Variants in PLA2G6 observed in about 807,000 individuals in gnomAD.
The protein encoded by PLA2G6 is phospholipase A2 group VI.
Under a neutral mutation model 83.8 loss-of-function variants are expected in PLA2G6, and 62 were observed. The observed-to-expected ratio is 0.74, with a 90% CI of 0.60 to 0.91. The LOEUF is 0.91. Ranked by LOEUF, PLA2G6 falls within the 40% of genes least tolerant of loss-of-function variation. The pLI is 0.00. For synonymous variants in PLA2G6, 417 were observed against 449.8 expected (o/e 0.93, Z 0.92); for missense variants, 944 against 1,102.0 (o/e 0.86, Z 2.03).
Position 38,132,190 on chromosome 22 carries a change from T to C in PLA2G6, c.1077+641A>G, listed in dbSNP as rs969586693. ...TCCTCTGCTAGGTTTAATATGTTCA[T>C]ACTCTAGATGTGTAACCAGACAGTA... On this transcript the variant is annotated intron_variant, in intron 7 of 16. Transcript: ENST00000332509. The surrounding 1 kb of genome is among the most constrained non-coding windows in gnomAD (Gnocchi z 5.0). 1 of 443,976 alleles carries C rather than the reference T, an allele frequency of 2.3e-6. No individual in the cohort carries two copies. The highest frequency in any genetic ancestry group is 1.6e-5 in the South Asian group (1 of 62,342). The allele number at this position is 443,976 out of a possible 1,614,324, so 27.5% of individuals were successfully genotyped here.
intron 2 of PLA2G6, among the ~76,000 whole-genome samples, chr22:38,158,293 C>G (rs993995959): frequency 5.3e-5 from 8 of 151,628 alleles, no homozygotes; most frequent in Admixed American, 3.9e-4. Flanking sequence ...CTTCAGCCTC[C>G]CAAGTAGCTG....
chr22:38,165,253 G>T (rs560034757), intron 2 of PLA2G6, among the ~76,000 whole-genome samples: 3 of 152,082 alleles, frequency 2.0e-5, no homozygotes, highest in Non-Finnish European at 2.9e-5. Flanking sequence ...CCTGATCTAC[G>T]CCAGGCACCT....
At chr22:38,129,342 G>C (rs1249970447) in intron 8 of PLA2G6, 112 bp downstream of exon 8, 3 of 775,776 alleles carry the variant, frequency 3.9e-6, no homozygotes, top group Non-Finnish European at 6.9e-6. Context: ...GCTCTGAGCA[G>C]GGCGGGTCAG....
At chr22:38,144,557 C>T (rs995776540) in intron 3 of PLA2G6, 66 of 140,332 alleles carry the variant, frequency 4.7e-4, no homozygotes, top group African/African-American at 1.6e-3. Flanking sequence ...GGCGTGAACC[C>T]GGGAGGCGGA....
intron 2 of PLA2G6, among the ~76,000 whole-genome samples, chr22:38,154,985 C>T (rs1171774304): frequency 3.9e-5 from 6 of 152,076 alleles, no homozygotes; most frequent in African/African-American, 1.2e-4. Flanking sequence ...CCCAGCACTT[C>T]GGAAGGCCAA....
chr22:38,164,477 C>T lies in PLA2G6; in HGVS notation c.209+4741G>A, dbSNP rs1269662710. Among the ~76,000 whole-genome samples, 4 of 152,220 alleles carry T rather than the reference C, an allele frequency of 2.6e-5. No homozygotes were observed. The South Asian group carries it at 6.2e-4, about 24-fold the overall frequency. ...CATGAGTTACTACTTAGACTAGTGCCAAGCCCAGGCATGCAGGACCTGCTG... is the reference window on the plus strand; with the variant it reads ...CATGAGTTACTACTTAGACTAGTGCTAAGCCCAGGCATGCAGGACCTGCTG... On this transcript the variant is annotated intron_variant, in intron 2 of 16. Coordinates refer to ENST00000332509, the MANE Select transcript of PLA2G6 (RefSeq NM_003560.4).
In PLA2G6 at chr22:38,148,859, C is replaced by CTTTTT. The variant is rs200966258; in HGVS notation, c.210-3211_210-3207dup. 51 of 152,540 alleles carry CTTTTT rather than the reference C, an allele frequency of 3.3e-4. 1 individual carries two copies. Among genetic ancestry groups the CTTTTT allele is most frequent in the East Asian group, 7.9e-4 (3 of 3,776 alleles). The allele number at this position is 152,540 out of a possible 1,614,324, so 9.4% of individuals were successfully genotyped here. On this transcript the variant is annotated intron_variant, in intron 2 of 16. Transcript: ENST00000332509. The stretch of plus-strand genomic sequence containing the variant: ...CATCAAACTAGGCTCTAGATTATTT[C>CTTTTT]TTTTTTTTTTTTTTTTTTTTTTTTT...
At chr22:38,179,836 GTAAGCAA>G (rs2145978676) in intron 1 of PLA2G6, among the ~76,000 whole-genome samples, 1 of 152,156 alleles carries the variant, frequency 6.6e-6, no homozygotes, top group Non-Finnish European at 1.5e-5. Flanking sequence ...GAGGTGCTGA[GTAAGCAA>G]CTAGATTTGA....
chr22:38,122,034 C>T (rs1015720577), intron 11 of PLA2G6, among the ~76,000 whole-genome samples: 4 of 152,160 alleles, frequency 2.6e-5, no homozygotes, highest in Non-Finnish European at 4.4e-5. Flanking sequence ...TGGACACTAA[C>T]GTCCCGGCAA....
chr22:38,164,556 C>G (rs190631893), intron 2 of PLA2G6, among the ~76,000 whole-genome samples: 145 of 152,316 alleles, frequency 9.5e-4, no homozygotes, highest in Middle Eastern at 3.4e-3. Flanking sequence ...AGGGTCCAGT[C>G]TCTCCGCCCA....
intron 2 of PLA2G6, among the ~76,000 whole-genome samples, chr22:38,164,492 A>AGGACCTGCTGGGAAACTGCAGAT (rs2090141363): frequency 6.6e-6 from 1 of 152,220 alleles, no homozygotes; most frequent in Non-Finnish European, 1.5e-5. Context: ...CCAGGCATGC[A>AGGACCTGCTGGGAAACTGCAGAT]GGACCTGCTG....
chr22:38,112,051 G>T lies in PLA2G6; in HGVS notation c.*110C>A, dbSNP rs2086893775. The T allele has an allele frequency of 7.7e-7, 1 of 1,294,014 alleles. No homozygotes were observed. The highest frequency in any genetic ancestry group is 1.1e-6 in the Non-Finnish European group (1 of 916,680). The allele number at this position is 1,294,014 out of a possible 1,614,324, so 80.2% of individuals were successfully genotyped here. On this transcript the variant is annotated 3_prime_UTR_variant, in exon 17 of 17. Coordinates refer to ENST00000332509, the MANE Select transcript of PLA2G6 (RefSeq NM_003560.4). ...GGCATTCTCCCAGGCCTGGTCTATG[G>T]ACTCAGAGGTGCCTGGGCCCAGATC...
intron 2 of PLA2G6, among the ~76,000 whole-genome samples, chr22:38,153,258 C>G (rs1036728548): frequency 7.9e-5 from 12 of 152,140 alleles, no homozygotes; most frequent in African/African-American, 2.7e-4. Context: ...ACGGAGAATC[C>G]CCGTCCCTAC....
chr22:38,170,509 C>T (rs866008180), intron 1 of PLA2G6, among the ~76,000 whole-genome samples: 5 of 152,068 alleles, frequency 3.3e-5, no homozygotes, highest in South Asian at 4.2e-4. Context: ...GGTAACTTTA[C>T]GCTGCATATT....
chr22:38,129,365 G>T, intron 8 of PLA2G6, 89 bp downstream of exon 8: 2 of 908,948 alleles, frequency 2.2e-6, no homozygotes, highest in Non-Finnish European at 3.7e-6. Context: ...CAGGATGCTG[G>T]CACCTGATGC....
chr22:38,153,366 T>C (rs132952), intron 2 of PLA2G6, among the ~76,000 whole-genome samples: 31,826 of 151,888 alleles, frequency 0.21, 3,877 homozygotes, highest in East Asian at 0.45. Flanking sequence ...AAGTGAGGAG[T>C]GCCTCTCCTG....
Position 38,140,016 on chromosome 22 carries a change from G to A in PLA2G6, c.763C>T (p.Pro255Ser), listed in dbSNP as rs748881561. ...GAGAACTTCATGGCCGAGTGGATGG[G>A]GTAGCCGTTGGGGCCCATGATGTTG... ...RCNIMGPNGYPIHSAMKFSQK... is the reference protein window; with the variant it reads ...RCNIMGPNGYSIHSAMKFSQK... The change falls in exon 5 of 17, where the codon CCC becomes TCC. Residue 255 changes from proline (P) to serine (S), a missense_variant. Physicochemically the swap from Pro to Ser is moderately conservative, Grantham distance 74. Coordinates refer to ENST00000332509, the MANE Select transcript of PLA2G6 (RefSeq NM_003560.4). 5 of 1,609,660 alleles carry A rather than the reference G, an allele frequency of 3.1e-6. No homozygotes were observed. Among genetic ancestry groups the A allele is most frequent in the Non-Finnish European group, 3.4e-6 (4 of 1,177,776 alleles).
chr22:38,119,921 C>CA (rs1017502236), intron 12 of PLA2G6, among the ~76,000 whole-genome samples: 9 of 143,308 alleles, frequency 6.3e-5, no homozygotes, highest in African/African-American at 2.2e-4. Flanking sequence ...AAAACCAAAA[C>CA]AAAAAACAAA....
chr22:38,114,998 G>C (rs1177133945), intron 14 of PLA2G6, among the ~76,000 whole-genome samples: 1 of 152,170 alleles, frequency 6.6e-6, no homozygotes, highest in Middle Eastern at 3.2e-3. Context: ...GGTCCTGCCA[G>C]CCTCTGCTGT....
Sources: allele counts gnomAD v4.1 joint callset (sites outside exome capture counted in the v4.1 genomes callset), GRCh38; gene constraint gnomAD v4.1.1; non-coding constraint Gnocchi (gnomAD v3.1); transcripts MANE v1.5; gene names NCBI Gene and HGNC (gene_info 2026-07-23, HGNC 2026-07-21).